Variants in TSBP1 observed in about 807,000 individuals in gnomAD.
TSBP1 encodes testis-expressed basic protein 1.
A neutral mutation model predicts 68.8 loss-of-function variants in TSBP1; 56 were observed. That is an observed-to-expected ratio of 0.81 (90% CI 0.66 to 1.02). TSBP1 has a LOEUF of 1.02. Ranked by LOEUF, TSBP1 falls within the 50% of genes least tolerant of loss-of-function variation. The probability of loss-of-function intolerance (pLI) is 0.00; values close to 1 mark genes in which losing one functional copy is unlikely to be tolerated. For missense variants in TSBP1, 502 were observed against 641.2 expected (o/e 0.78, Z 2.34); for synonymous variants, 171 against 208.7 (o/e 0.82, Z 1.56).
chr6:32,299,025 C>T (rs975063477), intron 22 of TSBP1, among the ~76,000 whole-genome samples: 4 of 152,144 alleles, frequency 2.6e-5, no homozygotes, highest in African/African-American at 9.7e-5. Context: ...TTTGTATTTG[C>T]AAACATTCCA....
At chr6:32,367,661 G>A (rs989362260) in intron 4 of TSBP1, among the ~76,000 whole-genome samples, 7 of 152,156 alleles carry the variant, frequency 4.6e-5, no homozygotes, top group African/African-American at 2.4e-5. Context: ...GTTTCGGAGC[G>A]GTTCCTTAAC....
rs1765599940 is a variant in TSBP1, at chr6:32,304,538, G to A, written c.581-1909C>T. On this transcript the variant is annotated intron_variant, in intron 19 of 22. Coordinates refer to ENST00000612031, the Ensembl canonical transcript of TSBP1. This position sits in a 1 kb window ranked among gnomAD's most constrained non-coding sequence, Gnocchi z 4.8. ...CCAGGCCATTTTGAATGGCACGTAT[G>A]ATGGGTTATATAAGTGAAGGCCACT... Among the ~76,000 whole-genome samples the A allele has an allele frequency of 6.6e-6, 1 of 152,158 alleles. No homozygotes were observed. The highest frequency in any genetic ancestry group is 1.5e-5 in the Non-Finnish European group (1 of 68,042).
At chr6:32,330,502 C>A in intron 16 of TSBP1, 87 bp downstream of exon 17, 1 of 1,249,172 alleles carries the variant, frequency 8.0e-7, no homozygotes, top group Non-Finnish European at 1.1e-6. Context: ...TGAGACACAT[C>A]TAGGGCATTT....
chr6:32,349,751 C>T (rs765734658), exon 9 of TSBP1: 64 of 1,598,442 alleles, frequency 4.0e-5, no homozygotes, highest in Non-Finnish European at 5.3e-5. Flanking sequence ...AATACTTGAT[C>T]GAGACAGTGC....
chr6:32,325,231 G>T lies in TSBP1; in HGVS notation c.515-1617C>A. ...TCTCCTGGCCGTCTTATCTAAGTCA[G>T]AGTCTCCTAAAGAGCCAGAACAACT... is the stretch of plus-strand genomic sequence containing the variant. On this transcript the variant is annotated intron_variant, in intron 16 of 22. Coordinates refer to ENST00000612031, the Ensembl canonical transcript of TSBP1. The surrounding 1 kb of genome is among the most constrained non-coding windows in gnomAD (Gnocchi z 4.4). The T allele has an allele frequency of 1.3e-6, 1 of 780,830 alleles. No individual in the cohort carries two copies. 48.4% of individuals were successfully genotyped at this position (780,830 alleles called of 1,614,324 possible). A position where few individuals can be genotyped will look rare whatever the true frequency, so the allele number is the denominator to read the frequency against.
rs770692361 is a variant in TSBP1, at chr6:32,323,410, GT to G, written c.538+180del. The G allele has an allele frequency of 1.5e-5, 11 of 724,714 alleles. 1 individual carries two copies. Among genetic ancestry groups the G allele is most frequent in the Middle Eastern group, 2.4e-4 (1 of 4,178 alleles). The allele number at this position is 724,714 out of a possible 1,614,324, so 44.9% of individuals were successfully genotyped here. ...AAAGTAAATATATGTTTGAAATTATGTAAATATAACTTCTTTCTCAGGGAGA... is the reference window on the plus strand; with the variant it reads ...AAAGTAAATATATGTTTGAAATTATGAAATATAACTTCTTTCTCAGGGAGA... On this transcript the variant is annotated intron_variant, in intron 17 of 22. Coordinates refer to ENST00000612031, the Ensembl canonical transcript of TSBP1.
Position 32,310,761 on chromosome 6 carries a change from A to ATATATATATATATTTTTTTTT in TSBP1, c.580+5010_580+5011insAAAAAAAAATATATATATATA. ...TATATATACATATATATATATATAT[A>ATATATATATATATTTTTTTTT]TTTTTAATCTTTTTAGAAAGGATAG... On this transcript the variant is annotated intron_variant, in intron 19 of 22. Transcript: ENST00000612031. 2.1e-5 allele frequency among the ~76,000 whole-genome samples: 3 copies of ATATATATATATATTTTTTTTT among 144,806 alleles called. No individual in the cohort carries two copies. In the Admixed American group the frequency reaches 2.1e-4, roughly 10 times the overall value. 95.0% of individuals were successfully genotyped at this position (144,806 alleles called of 152,430 possible).
intron 6 of TSBP1, among the ~76,000 whole-genome samples, chr6:32,364,487 G>A (rs3129915): frequency 0.16 from 20,716 of 133,048 alleles, 1,616 homozygotes; most frequent in Non-Finnish European, 0.19. Flanking sequence ...ATTCTTTCTT[G>A]TACTTGATCC....
intron 9 of TSBP1, among the ~76,000 whole-genome samples, chr6:32,345,943 C>G (rs953432056): frequency 6.6e-6 from 1 of 152,148 alleles, no homozygotes; most frequent in Non-Finnish European, 1.5e-5. Context: ...CAGCTAAATA[C>G]TCTACATAAC....
In TSBP1 at chr6:32,343,303, A is replaced by T; in HGVS notation, c.350-3665T>A. 1 of 1,254,226 alleles carries T rather than the reference A, an allele frequency of 8.0e-7. No individual in the cohort carries two copies. The allele number at this position is 1,254,226 out of a possible 1,614,324, so 77.7% of individuals were successfully genotyped here. On this transcript the variant is annotated intron_variant, in intron 9 of 22. Transcript: ENST00000612031. This position sits in a 1 kb window ranked among gnomAD's most constrained non-coding sequence, Gnocchi z 4.3. ...ATTCAAGTCAGTCTAAAGTTTCAAT[A>T]ATCCATCAATTTCCCAAAAGTCTTC... is the stretch of plus-strand genomic sequence containing the variant.
rs117067518 is a variant in TSBP1, at chr6:32,340,486, A to C, written c.350-848T>G. Among the ~76,000 whole-genome samples, 39 of 152,304 alleles carry C rather than the reference A, an allele frequency of 2.6e-4. No individual in the cohort carries two copies. The East Asian group carries it at 7.1e-3, about 28-fold the overall frequency. On this transcript the variant is annotated intron_variant, in intron 9 of 22. Transcript: ENST00000612031. The surrounding 1 kb of genome is among the most constrained non-coding windows in gnomAD (Gnocchi z 4.8). ...GTCAGTTTCTTGAGAAGGTGAAGCC[A>C]CTCCTACCACCAAATAAAGATAATT...
chr6:32,333,126 A>T lies in TSBP1; in HGVS notation c.473-1072T>A, dbSNP rs564557303. On this transcript the variant is annotated intron_variant, in intron 14 of 22. Transcript: ENST00000612031. This position sits in a 1 kb window ranked among gnomAD's most constrained non-coding sequence, Gnocchi z 4.2. ...TGGGTTCAAGCGATTCTCCTGCCTT[A>T]GCCTCCTGAGTAGCTGGGACTGCAG... 6.6e-6 allele frequency among the ~76,000 whole-genome samples: 1 copy of T among 151,984 alleles called. No individual in the cohort carries two copies.
intron 18 of TSBP1, among the ~76,000 whole-genome samples, chr6:32,320,765 G>C (rs1395830446): frequency 6.6e-6 from 1 of 151,940 alleles, no homozygotes; most frequent in Non-Finnish European, 1.5e-5. Context: ...GTGTCATGGG[G>C]GTTTGTTGTA....
chr6:32,367,992 T>G (rs1245682092), intron 3 of TSBP1, 35 bp from the exon 4 acceptor site: 2 of 1,496,310 alleles, frequency 1.3e-6, no homozygotes, highest in African/African-American at 3.8e-5. Flanking sequence ...ATTTTGCTTC[T>G]TGATTATTAA....
intron 22 of TSBP1, among the ~76,000 whole-genome samples, chr6:32,296,106 AGT>A (rs28993475): frequency 0.024 from 3,588 of 152,152 alleles, 66 homozygotes; most frequent in South Asian, 0.057. Flanking sequence ...GGCCTCCCAA[AGT>A]GCTGGGATTA....
At chr6:32,350,479 A>G (rs1479852285) in intron 8 of TSBP1, among the ~76,000 whole-genome samples, 2 of 152,228 alleles carry the variant, frequency 1.3e-5, no homozygotes, top group Non-Finnish European at 2.9e-5. Flanking sequence ...GAAGTAATAT[A>G]TTCAAGAAAA....
intron 8 of TSBP1, among the ~76,000 whole-genome samples, chr6:32,354,427 T>A (rs368029382): frequency 1.3e-5 from 2 of 152,246 alleles, no homozygotes; most frequent in African/African-American, 4.8e-5. Flanking sequence ...CTGGGATTGT[T>A]ACTAATGCAG....
At chr6:32,295,954 C>T (rs1184960758) in intron 22 of TSBP1, among the ~76,000 whole-genome samples, 1 of 151,470 alleles carries the variant, frequency 6.6e-6, no homozygotes. Context: ...AAGGGATTCT[C>T]CTGCCTCAGC....
intron 20 of TSBP1, among the ~76,000 whole-genome samples, chr6:32,301,965 C>A (rs9268161): frequency 0.69 from 93,495 of 135,918 alleles, 30,092 homozygotes; most frequent in Middle Eastern, 0.78. Context: ...TTGAAATCAT[C>A]ATCATAATAA....
Sources: gnomAD v4.1 joint callset for allele counts (sites outside exome capture counted in the v4.1 genomes callset) on GRCh38, gnomAD v4.1.1 for gene constraint, Gnocchi (gnomAD v3.1) non-coding constraint, MANE v1.5 for transcripts, NCBI Gene and HGNC (gene_info 2026-07-23, HGNC 2026-07-21) for gene names.